CGNL1: variants seen among roughly 807,000 people sequenced by gnomAD.
CGNL1 encodes cingulin-like protein 1.
Under a neutral mutation model 141.2 loss-of-function variants are expected in CGNL1, and 132 were observed. The observed-to-expected ratio is 0.93, with a 90% CI of 0.81 to 1.08. The LOEUF is 1.08. CGNL1 is among the 50% of genes least tolerant of loss of function. The pLI, the probability that CGNL1 is intolerant of heterozygous loss-of-function variation, is 0.00. For synonymous variants in CGNL1, 690 were observed against 622.1 expected (o/e 1.11, Z -1.63); for missense variants, 1,870 against 1,588.6 (o/e 1.18, Z -3.01).
At chr15:57,390,642 A>G (rs2062532333) in intron 1 of CGNL1, among the ~76,000 whole-genome samples, 1 of 152,160 alleles carries the variant, frequency 6.6e-6, no homozygotes, top group African/African-American at 2.4e-5. Flanking sequence ...TGCGAGACCT[A>G]GGCTGACTGG....
intron 8 of CGNL1, among the ~76,000 whole-genome samples, chr15:57,481,842 A>G (rs779267126): frequency 2.0e-5 from 3 of 152,068 alleles, no homozygotes; most frequent in African/African-American, 2.4e-5. Flanking sequence ...CTGCAAAACT[A>G]CTCTCCAGAA....
intron 8 of CGNL1, among the ~76,000 whole-genome samples, chr15:57,475,253 T>G (rs1567141286): frequency 6.6e-6 from 1 of 152,204 alleles, no homozygotes. Flanking sequence ...GGCTCCCACC[T>G]GCCTTTGCAA....
chr15:57,529,301 A>G (rs775973910), intron 13 of CGNL1, among the ~76,000 whole-genome samples: 10 of 152,192 alleles, frequency 6.6e-5, no homozygotes, highest in Non-Finnish European at 1.5e-4. Flanking sequence ...CAGAGCTCGC[A>G]GCACACTGTG....
At chr15:57,397,675 C>A (rs1326819850) in intron 1 of CGNL1, among the ~76,000 whole-genome samples, 1 of 152,072 alleles carries the variant, frequency 6.6e-6, no homozygotes, top group Non-Finnish European at 1.5e-5. Context: ...TTTATGTTAT[C>A]CCCGTGTCCT....
At position 57,438,355 on chromosome 15, in the gene CGNL1, A is replaced by G. The variant is rs761385726; in HGVS notation, c.356A>G (p.Gln119Arg). 4.3e-6 allele frequency: 7 copies of G among 1,614,158 alleles called. No homozygotes were observed. Among genetic ancestry groups the G allele is most frequent in the Non-Finnish European group, 5.9e-6 (7 of 1,180,040 alleles). ...CCTAGCCCAATAAGAAACCTGAAAC[A>G]GCCCCTGCTCCATGAGGGCAAGAAT... ...AQPSPIRNLKQPLLHEGKNGV... is the reference protein window; with the variant it reads ...AQPSPIRNLKRPLLHEGKNGV... Residue 119 changes from glutamine (Q) to arginine (R), a missense_variant, in exon 2 of 19, where the codon CAG (glutamine) becomes CGG (arginine). Transcript: ENST00000281282.
intron 8 of CGNL1, among the ~76,000 whole-genome samples, chr15:57,492,375 G>A (rs1448188080): frequency 6.6e-6 from 1 of 152,182 alleles, no homozygotes; most frequent in African/African-American, 2.4e-5. Context: ...TAATAACAGT[G>A]TACAGATTAA....
intron 8 of CGNL1, among the ~76,000 whole-genome samples, chr15:57,492,749 C>T (rs1340418627): frequency 2.0e-5 from 3 of 151,796 alleles, no homozygotes; most frequent in African/African-American, 7.3e-5. Flanking sequence ...CTTCTCTTGA[C>T]ATATAATGCT....
At chr15:57,492,507 TAAA>T (rs1231253131) in intron 8 of CGNL1, among the ~76,000 whole-genome samples, 1 of 151,986 alleles carries the variant, frequency 6.6e-6, no homozygotes, top group Admixed American at 6.6e-5. Flanking sequence ...TAGAGTAAAA[TAAA>T]AAAGATATTT....
At chr15:57,381,719 C>T (rs1383346261) in intron 1 of CGNL1, among the ~76,000 whole-genome samples, 2 of 152,204 alleles carry the variant, frequency 1.3e-5, no homozygotes, top group Non-Finnish European at 2.9e-5. Context: ...TTTAACATCA[C>T]AGTCTCCTTA....
At chr15:57,382,609 G>C (rs1452545304) in intron 1 of CGNL1, among the ~76,000 whole-genome samples, 1 of 152,180 alleles carries the variant, frequency 6.6e-6, no homozygotes. Context: ...GAGGTAAGAT[G>C]ACCTCTAGTT....
At chr15:57,445,459 A>G (rs2063239267) in intron 4 of CGNL1, among the ~76,000 whole-genome samples, 1 of 152,188 alleles carries the variant, frequency 6.6e-6, no homozygotes, top group Non-Finnish European at 1.5e-5. Flanking sequence ...GTGTCACTTA[A>G]GTGATTAGGA....
At chr15:57,546,918 C>G (rs1287585143) in intron 18 of CGNL1, among the ~76,000 whole-genome samples, 1 of 152,140 alleles carries the variant, frequency 6.6e-6, no homozygotes, top group Admixed American at 6.5e-5. Flanking sequence ...TCCTGTAAAA[C>G]AGGGCCTATC....
At chr15:57,410,759 G>T (rs1214306610) in intron 1 of CGNL1, among the ~76,000 whole-genome samples, 2 of 152,182 alleles carry the variant, frequency 1.3e-5, no homozygotes, top group Non-Finnish European at 2.9e-5. Context: ...CTTATGAGGA[G>T]TGCCCTTCAA....
At chr15:57,516,712 A>C (rs558284547) in intron 8 of CGNL1, 68 bp from the exon 9 acceptor site, 1 of 1,519,132 alleles carries the variant, frequency 6.6e-7, no homozygotes, top group Admixed American at 1.8e-5. Context: ...AATGCCAGCC[A>C]TTCTTCCAGC....
intron 10 of CGNL1, among the ~76,000 whole-genome samples, chr15:57,521,061 T>G (rs2031220095): frequency 6.6e-6 from 1 of 152,194 alleles, no homozygotes; most frequent in African/African-American, 2.4e-5. Context: ...ATCTCATTAT[T>G]CATTGATGAG....
intron 1 of CGNL1, among the ~76,000 whole-genome samples, chr15:57,385,117 G>C (rs1240421763): frequency 6.6e-6 from 1 of 152,206 alleles, no homozygotes; most frequent in Non-Finnish European, 1.5e-5. Context: ...GTTCGGGGCT[G>C]CTCTTGTCAT....
At position 57,417,664 on chromosome 15, in the gene CGNL1, C is replaced by T. The variant is rs544495383; in HGVS notation, c.-15-20321C>T. Among the ~76,000 whole-genome samples, 68 of 149,140 alleles carry T rather than the reference C, an allele frequency of 4.6e-4. No individual in the cohort carries two copies. In the South Asian group the frequency reaches 0.013, roughly 29 times the overall value. On this transcript the variant is annotated intron_variant, in intron 1 of 18. Transcript: ENST00000281282. ...ATTGCTGGGGAAAAGGAGTCTCTCT[C>T]GTTCATTTATTCATTCAATTCATAA...
At chr15:57,529,381 C>A (rs1263780104) in intron 13 of CGNL1, among the ~76,000 whole-genome samples, 1 of 152,156 alleles carries the variant, frequency 6.6e-6, no homozygotes, top group African/African-American at 2.4e-5. Context: ...GCTGAATGCA[C>A]TCACCAGATG....
At chr15:57,399,801 C>T (rs1313700437) in intron 1 of CGNL1, among the ~76,000 whole-genome samples, 1 of 152,166 alleles carries the variant, frequency 6.6e-6, no homozygotes, top group South Asian at 2.1e-4. Context: ...AGGATTGCTT[C>T]AGCCCAGGAG....
Sources: gnomAD v4.1 joint callset for allele counts (sites outside exome capture counted in the v4.1 genomes callset) on GRCh38, gnomAD v4.1.1 for gene constraint, MANE v1.5 for transcripts, NCBI Gene and HGNC (gene_info 2026-07-23, HGNC 2026-07-21) for gene names.